The following RTN4IP1 variants were observed in gnomAD, a reference collection of about 807,000 sequenced individuals.
RTN4IP1 encodes reticulon 4 interacting protein 1.
RTN4IP1 carries 32 observed loss-of-function variants against 46.6 expected under a neutral mutation model. The ratio of observed to expected loss-of-function variants is 0.69; its 90% CI spans 0.52 to 0.92. The LOEUF (loss-of-function observed/expected upper bound fraction) is 0.92, where lower values mean the gene tolerates loss of function less well. Ranked by LOEUF, RTN4IP1 falls within the 40% of genes least tolerant of loss-of-function variation. The pLI is 0.00. For missense variants in RTN4IP1, 424 were observed against 485.8 expected (o/e 0.87, Z 1.20); for synonymous variants, 167 against 161.8 (o/e 1.03, Z -0.24).
rs2114628940 is a variant in RTN4IP1 at position 106,583,425 on chromosome 6, AAAG to A, written c.991-8_991-6del. 5 of 1,607,384 alleles carry A rather than the reference AAAG, an allele frequency of 3.1e-6. No homozygotes were observed. Among genetic ancestry groups the A allele is most frequent in the Non-Finnish European group, 4.3e-6 (5 of 1,174,698 alleles). On this transcript the variant is annotated splice_polypyrimidine_tract_variant and splice_region_variant and intron_variant, in intron 7 of 8. Transcript: ENST00000369063. ...ATGGACTCCTTTCCAGAAATGCTAAAAAGAAGAAAACAAAACATGTCAAATACA... is the reference window on the plus strand; with the variant it reads ...ATGGACTCCTTTCCAGAAATGCTAAAAAGAAAACAAAACATGTCAAATACA...
At chr6:106,584,315 C>A (rs948007301) in intron 7 of RTN4IP1, among the ~76,000 whole-genome samples, 1 of 152,144 alleles carries the variant, frequency 6.6e-6, no homozygotes, top group Non-Finnish European at 1.5e-5. Context: ...CTCCATGATA[C>A]CTCAATGACC....
chr6:106,618,565 T>C (rs909671240), intron 4 of RTN4IP1, among the ~76,000 whole-genome samples: 4 of 152,130 alleles, frequency 2.6e-5, no homozygotes, highest in Admixed American at 2.0e-4. Flanking sequence ...AAAAAGTGAG[T>C]GAGTGGGTCA....
At chr6:106,596,032 A>T (rs1280500619) in intron 5 of RTN4IP1, among the ~76,000 whole-genome samples, 1 of 78,198 alleles carries the variant, frequency 1.3e-5, no homozygotes, top group Non-Finnish European at 4.2e-5. Flanking sequence ...AACCCATTGT[A>T]ATGGTCATTA....
intron 4 of RTN4IP1, among the ~76,000 whole-genome samples, chr6:106,610,703 G>A (rs1336675217): frequency 6.6e-6 from 1 of 152,146 alleles, no homozygotes; most frequent in Non-Finnish European, 1.5e-5. Flanking sequence ...AATCGCCAAG[G>A]TTTTTAATTG....
intron 5 of RTN4IP1, among the ~76,000 whole-genome samples, chr6:106,600,690 T>C (rs974641759): frequency 1.3e-5 from 2 of 152,086 alleles, no homozygotes; most frequent in Non-Finnish European, 2.9e-5. Context: ...GGACCTTTTG[T>C]TTCTGGATTT....
chr6:106,602,319 C>G (rs1024798654), intron 5 of RTN4IP1, among the ~76,000 whole-genome samples: 2 of 152,082 alleles, frequency 1.3e-5, no homozygotes, highest in African/African-American at 4.8e-5. Context: ...TGTACTGAAT[C>G]TATAAATCAC....
chr6:106,608,860 G>T (rs1408452739), intron 4 of RTN4IP1, among the ~76,000 whole-genome samples: 1 of 152,058 alleles, frequency 6.6e-6, no homozygotes, highest in Non-Finnish European at 1.5e-5. Flanking sequence ...TCTTACTTTT[G>T]TCCATTCTTA....
Position 106,579,555 on chromosome 6 carries a change from C to T in RTN4IP1, c.1083+3773G>A, listed in dbSNP as rs140698708. Among the ~76,000 whole-genome samples, 290 of 152,180 alleles carry T rather than the reference C, an allele frequency of 1.9e-3. 2 individuals are homozygous for T. Among genetic ancestry groups the T allele is most frequent in the African/African-American group, 6.5e-3 (270 of 41,512 alleles). ...CACTTTTGAGCCTGACAATAGTGAG[C>T]ACATTAAAGGCAGGAAACCAAAACA... is the stretch of plus-strand genomic sequence containing the variant. On this transcript the variant is annotated intron_variant, in intron 8 of 8. Transcript: ENST00000369063.
At chr6:106,577,516 C>T (rs1309577955) in intron 8 of RTN4IP1, among the ~76,000 whole-genome samples, 2 of 150,066 alleles carry the variant, frequency 1.3e-5, no homozygotes, top group Non-Finnish European at 3.0e-5. Context: ...GGTTTCCCAC[C>T]TCAGGAGCAA....
chr6:106,628,010 G>C, intron 1 of RTN4IP1, among the ~76,000 whole-genome samples: 1 of 144,298 alleles, frequency 6.9e-6, no homozygotes, highest in East Asian at 2.2e-4. Flanking sequence ...GGAGGTTGCA[G>C]TGAGCCAGGA....
Position 106,622,978 on chromosome 6 carries a change from T to C in RTN4IP1, c.275-9A>G, listed in dbSNP as rs1415042872. On this transcript the variant is annotated splice_polypyrimidine_tract_variant and intron_variant, in intron 1 of 8. Transcript: ENST00000369063. ...TGTAGCTCCATAACCACCTGTAAAA[T>C]ACAATTTATCTGTTTCCTCCAAATG... is the stretch of plus-strand genomic sequence containing the variant. 6.2e-7 allele frequency: 1 copy of C among 1,613,294 alleles called. No individual in the cohort carries two copies. Among genetic ancestry groups the C allele is most frequent in the East Asian group, 2.2e-5 (1 of 44,880 alleles).
At chr6:106,583,106 A>G (rs116841302) in intron 8 of RTN4IP1, among the ~76,000 whole-genome samples, 181 of 152,340 alleles carry the variant, frequency 1.2e-3, no homozygotes, top group Middle Eastern at 3.4e-3. Flanking sequence ...CGGTTTGACT[A>G]GATGAGAGAA....
At chr6:106,627,645 G>A (rs1776680063) in intron 1 of RTN4IP1, among the ~76,000 whole-genome samples, 1 of 145,830 alleles carries the variant, frequency 6.9e-6, no homozygotes, top group African/African-American at 2.5e-5. Context: ...AAGAATAAAG[G>A]AAAACGGCAT....
Position 106,570,935 on chromosome 6 carries a change from G to A in RTN4IP1, c.*1061C>T, listed in dbSNP as rs1015611815. On this transcript the variant is annotated 3_prime_UTR_variant, in exon 9 of 9. Coordinates refer to ENST00000369063, the MANE Select transcript of RTN4IP1 (RefSeq NM_032730.5). ...GCATATCAGGTGCAATACTGAGGAT[G>A]AGTATATTAGGAAGTAAAAACACTT... The A allele has an allele frequency of 1.1e-4, 17 of 152,180 alleles. No individual in the cohort carries two copies. Among genetic ancestry groups the A allele is most frequent in the African/African-American group, 4.1e-4 (17 of 41,454 alleles). 9.4% of individuals were successfully genotyped at this position (152,180 alleles called of 1,614,324 possible).
At chr6:106,603,345 G>A (rs902069400) in intron 4 of RTN4IP1, among the ~76,000 whole-genome samples, 19 of 152,124 alleles carry the variant, frequency 1.2e-4, no homozygotes, top group African/African-American at 4.6e-4. Flanking sequence ...TCACCAAAGC[G>A]AAATAAACAT....
intron 7 of RTN4IP1, among the ~76,000 whole-genome samples, chr6:106,584,422 G>A (rs897252142): frequency 2.0e-5 from 3 of 152,202 alleles, no homozygotes; most frequent in East Asian, 1.9e-4. Context: ...CCACAACTGC[G>A]AGGTGAGCTC....
chr6:106,579,793 T>A (rs1432940510), intron 8 of RTN4IP1, among the ~76,000 whole-genome samples: 1 of 151,438 alleles, frequency 6.6e-6, no homozygotes, highest in Non-Finnish European at 1.5e-5. Flanking sequence ...TTTTTTTTTT[T>A]CCTTGAGATG....
chr6:106,608,322 T>C (rs1242234702), intron 4 of RTN4IP1, among the ~76,000 whole-genome samples: 2 of 152,164 alleles, frequency 1.3e-5, no homozygotes, highest in Admixed American at 6.5e-5. Context: ...GGTTTATCAG[T>C]CGCCAGGAAG....
chr6:106,628,892 G>A lies in RTN4IP1; in HGVS notation c.130C>T (p.Pro44Ser), dbSNP rs150345358. 2 of 1,614,086 alleles carry A rather than the reference G, an allele frequency of 1.2e-6. No homozygotes were observed. The highest frequency in any genetic ancestry group is 1.7e-6 in the Non-Finnish European group (2 of 1,180,004). ...CCATATTTATCTATCACCCAAGCAG[G>A]CATGACAGTGCTCCTAGGAGAGGTA... ...STTSPRSTVM[P>S]AWVIDKYGKN... The change falls in exon 1 of 9, where the codon CCT (proline) becomes TCT (serine). Residue 44 changes from proline to serine, a missense_variant. By Grantham distance (74) the Pro-to-Ser change is moderately conservative. Coordinates refer to ENST00000369063, the MANE Select transcript of RTN4IP1 (RefSeq NM_032730.5).
Sources: gnomAD v4.1 joint callset for allele counts (sites outside exome capture counted in the v4.1 genomes callset) on GRCh38, gnomAD v4.1.1 for gene constraint, MANE v1.5 for transcripts, NCBI Gene and HGNC (gene_info 2026-07-23, HGNC 2026-07-21) for gene names.